Variants in ADCY5 observed in about 807,000 individuals in gnomAD.
The protein encoded by ADCY5 is adenylate cyclase type 5.
Under a neutral mutation model 119.7 loss-of-function variants are expected in ADCY5, and 30 were observed. That is an observed-to-expected ratio of 0.25 (90% CI 0.19 to 0.34). ADCY5 has a LOEUF of 0.34. Ranked by LOEUF, ADCY5 falls within the 10% of genes least tolerant of loss-of-function variation. The pLI is 1.00. For synonymous variants in ADCY5, 753 were observed against 762.2 expected, an observed-to-expected ratio of 0.99 and a Z score of 0.20; for missense variants, 1,324 against 1,775.2, an observed-to-expected ratio of 0.75 and a Z score of 4.57.
intron 1 of ADCY5, among the ~76,000 whole-genome samples, chr3:123,438,074 C>T (rs937541791): frequency 2.0e-5 from 3 of 152,112 alleles, no homozygotes; most frequent in Middle Eastern, 3.2e-3. Flanking sequence ...TAGATGCCTT[C>T]GGATAGGCCT....
intron 2 of ADCY5, among the ~76,000 whole-genome samples, chr3:123,351,227 C>T (rs1051875567): frequency 7.9e-5 from 12 of 152,046 alleles, no homozygotes; most frequent in Admixed American, 1.3e-4. Context: ...TTTGCCCCCT[C>T]GTTTGGCTGT....
At chr3:123,397,905 G>A (rs1029032633) in intron 1 of ADCY5, among the ~76,000 whole-genome samples, 7 of 152,200 alleles carry the variant, frequency 4.6e-5, no homozygotes, top group African/African-American at 1.7e-4. Flanking sequence ...CTGTGTGGGT[G>A]TAGACACAGC....
At chr3:123,376,692 T>C (rs1943847337) in intron 1 of ADCY5, among the ~76,000 whole-genome samples, 1 of 151,766 alleles carries the variant, frequency 6.6e-6, no homozygotes, top group Admixed American at 6.6e-5. Flanking sequence ...CAGAGCAGAG[T>C]GGCTGGCGTG....
chr3:123,435,362 G>A (rs1362140480), intron 1 of ADCY5, among the ~76,000 whole-genome samples: 1 of 152,184 alleles, frequency 6.6e-6, no homozygotes, highest in Non-Finnish European at 1.5e-5. Context: ...AGTGGTGTGG[G>A]CTGGTTTCAT....
At chr3:123,301,886 G>A (rs1939872703) in intron 14 of ADCY5, among the ~76,000 whole-genome samples, 1 of 152,112 alleles carries the variant, frequency 6.6e-6, no homozygotes, top group South Asian at 2.1e-4. Flanking sequence ...ATGGCTGCCT[G>A]GAGGAGACAG....
intron 1 of ADCY5, among the ~76,000 whole-genome samples, chr3:123,392,786 C>A (rs1028787888): frequency 1.3e-5 from 2 of 152,144 alleles, no homozygotes; most frequent in African/African-American, 4.8e-5. Flanking sequence ...CTCTTGCACG[C>A]TATACCTCCA....
At chr3:123,446,989 T>A (rs1945827974) in intron 1 of ADCY5, among the ~76,000 whole-genome samples, 1 of 152,102 alleles carries the variant, frequency 6.6e-6, no homozygotes, top group Admixed American at 6.5e-5. Context: ...CAACCCTCTA[T>A]CCAGGGCTGG....
At chr3:123,330,843 G>A (rs770644646) in intron 5 of ADCY5, 46 bp downstream of exon 5, 1 of 1,561,304 alleles carries the variant, frequency 6.4e-7, no homozygotes, top group South Asian at 1.2e-5. Flanking sequence ...CTCGGGCTGT[G>A]GACAGTCCCA....
intron 1 of ADCY5, among the ~76,000 whole-genome samples, chr3:123,417,264 A>C (rs1328812794): frequency 6.6e-6 from 1 of 152,192 alleles, no homozygotes; most frequent in African/African-American, 2.4e-5. Flanking sequence ...CCAGGGCAGG[A>C]GGCATGAAAA....
chr3:123,382,024 C>G (rs941514188), intron 1 of ADCY5, among the ~76,000 whole-genome samples: 9 of 146,762 alleles, frequency 6.1e-5, no homozygotes, highest in Non-Finnish European at 1.4e-4. Context: ...TCGCTGACCT[C>G]ATCTCCTGGG....
intron 1 of ADCY5, among the ~76,000 whole-genome samples, chr3:123,375,064 C>A (rs1241529944): frequency 1.3e-5 from 2 of 152,204 alleles, no homozygotes; most frequent in Non-Finnish European, 2.9e-5. Context: ...AGCCTCTCAC[C>A]ATCTGTCAGC....
In ADCY5 at chr3:123,324,404, C is replaced by CCA. The variant is rs10522987; in HGVS notation, c.2088+916_2088+917dup. The stretch of plus-strand genomic sequence containing the variant: ...CCTTCACTAAGTGGCCACACAGAAA[C>CCA]CACACACACACACACACACACACAC... On this transcript the variant is annotated intron_variant, in intron 8 of 20. Transcript: ENST00000462833. 8.2e-3 allele frequency among the ~76,000 whole-genome samples: 897 copies of CCA among 109,610 alleles called. 9 individuals carry two copies. The highest frequency in any genetic ancestry group is 0.013 in the Middle Eastern group (3 of 224). The allele number at this position is 109,610 out of a possible 152,430, so 71.9% of individuals were successfully genotyped here.
At chr3:123,416,174 T>C in intron 1 of ADCY5, 1 of 1,536,026 alleles carries the variant, frequency 6.5e-7, no homozygotes, top group Non-Finnish European at 8.7e-7. Context: ...GAGGTGGCCA[T>C]GACACTCACC....
chr3:123,316,411 G>A (rs1485973025), intron 11 of ADCY5, among the ~76,000 whole-genome samples: 3 of 152,166 alleles, frequency 2.0e-5, no homozygotes, highest in South Asian at 2.1e-4. Flanking sequence ...GGAAAATGAC[G>A]AATTAGAATA....
rs146911885 is a variant in ADCY5 at position 123,351,195 on chromosome 3, G to A, written c.1284+1237C>T. Among the ~76,000 whole-genome samples the A allele has an allele frequency of 3.2e-3, 483 of 152,166 alleles. 3 individuals are homozygous for A. Among genetic ancestry groups the A allele is most frequent in the African/African-American group, 0.011 (461 of 41,514 alleles). On this transcript the variant is annotated intron_variant, in intron 2 of 20. Transcript: ENST00000462833. ...AGTGGAGACAGGTGGGGACTGGGGG[G>A]CCTGGAGAGGTACTACAGAGCTTTG...
intron 3 of ADCY5, among the ~76,000 whole-genome samples, chr3:123,338,043 G>T (rs568697572): frequency 8.3e-4 from 126 of 152,296 alleles, no homozygotes; most frequent in Non-Finnish European, 1.4e-3. Context: ...CAGGTACCAG[G>T]GACATGGGGA....
At chr3:123,433,758 T>G (rs1172047185) in intron 1 of ADCY5, among the ~76,000 whole-genome samples, 1 of 152,080 alleles carries the variant, frequency 6.6e-6, no homozygotes, top group Non-Finnish European at 1.5e-5. Context: ...AGCAGCCTCC[T>G]CCCTTCCCTC....
At chr3:123,417,734 G>A (rs1273514210) in intron 1 of ADCY5, among the ~76,000 whole-genome samples, 1 of 152,174 alleles carries the variant, frequency 6.6e-6, no homozygotes, top group Non-Finnish European at 1.5e-5. Flanking sequence ...TGTGACCCTG[G>A]GTGGTCACCT....
intron 1 of ADCY5, among the ~76,000 whole-genome samples, chr3:123,409,013 C>T (rs1301236211): frequency 1.3e-5 from 2 of 152,142 alleles, no homozygotes; most frequent in Admixed American, 1.3e-4. Context: ...TAACAAACCA[C>T]ATTTACTTAC....
Sources: gnomAD v4.1 joint callset for allele counts (sites outside exome capture counted in the v4.1 genomes callset) on GRCh38, gnomAD v4.1.1 for gene constraint, MANE v1.5 for transcripts, NCBI Gene and HGNC (gene_info 2026-07-23, HGNC 2026-07-21) for gene names.